Variants in PLCXD3 observed in about 807,000 individuals in gnomAD.
PLCXD3 encodes the protein phosphatidylinositol specific phospholipase C X domain containing 3, also known as PI-PLC X domain-containing protein 3.
Under a neutral mutation model 25.5 loss-of-function variants are expected in PLCXD3, and 19 were observed. The ratio of observed to expected loss-of-function variants is 0.75; its 90% CI spans 0.52 to 1.09. The LOEUF is 1.09. Among genes scored for constraint, PLCXD3 ranks in the 50% least tolerant of loss-of-function variants. The pLI is 0.00. For missense variants in PLCXD3, 411 were observed against 388.1 expected (o/e 1.06, Z -0.50); for synonymous variants, 174 against 137.6 (o/e 1.26, Z -1.85).
At chr5:41,501,258 T>A (rs546519343) in intron 1 of PLCXD3, among the ~76,000 whole-genome samples, 2 of 152,138 alleles carry the variant, frequency 1.3e-5, no homozygotes, top group South Asian at 4.1e-4. Context: ...TCTATTCTCA[T>A]TGCAATAAGC....
At chr5:41,420,180 C>T (rs772641486) in intron 1 of PLCXD3, among the ~76,000 whole-genome samples, 51 of 152,210 alleles carry the variant, frequency 3.4e-4, no homozygotes, top group African/African-American at 1.0e-3. Flanking sequence ...ACTACTTTTA[C>T]GTCTATATCC....
At chr5:41,424,439 C>G (rs1331559021) in intron 1 of PLCXD3, among the ~76,000 whole-genome samples, 2 of 152,040 alleles carry the variant, frequency 1.3e-5, no homozygotes, top group Non-Finnish European at 2.9e-5. Context: ...ACTCGGGAGG[C>G]TGGGGCAGGA....
At chr5:41,491,514 G>C (rs1248971796) in intron 1 of PLCXD3, among the ~76,000 whole-genome samples, 1 of 152,256 alleles carries the variant, frequency 6.6e-6, no homozygotes, top group East Asian at 1.9e-4. Context: ...TGGTTGATCT[G>C]TCTAACGTCG....
At chr5:41,463,549 G>C (rs1463457544) in intron 1 of PLCXD3, among the ~76,000 whole-genome samples, 1 of 151,890 alleles carries the variant, frequency 6.6e-6, no homozygotes, top group Admixed American at 6.6e-5. Context: ...ACTTTAAAAA[G>C]AATATAACTG....
chr5:41,503,830 C>T (rs1385813296), intron 1 of PLCXD3, among the ~76,000 whole-genome samples: 1 of 152,134 alleles, frequency 6.6e-6, no homozygotes, highest in Non-Finnish European at 1.5e-5. Flanking sequence ...CTAGGACTTC[C>T]TTGAGTGCTC....
chr5:41,414,059 C>G (rs1445160255), intron 1 of PLCXD3, among the ~76,000 whole-genome samples: 1 of 151,946 alleles, frequency 6.6e-6, no homozygotes, highest in Non-Finnish European at 1.5e-5. Context: ...AGGTCTGGGC[C>G]TAACCAAGCA....
intron 1 of PLCXD3, among the ~76,000 whole-genome samples, chr5:41,386,189 G>A (rs1745628958): frequency 6.6e-6 from 1 of 152,102 alleles, no homozygotes. Context: ...CTATGGTTAT[G>A]TTATATGCAT....
intron 1 of PLCXD3, among the ~76,000 whole-genome samples, chr5:41,438,019 C>T (rs1313771218): frequency 6.6e-6 from 1 of 152,146 alleles, no homozygotes; most frequent in Admixed American, 6.5e-5. Flanking sequence ...AAAAGTAATG[C>T]CTGCAATTTC....
chr5:41,471,780 A>ACCTTCCCTTCCCTTCCCTTCCCTTC (rs1443982950), intron 1 of PLCXD3, among the ~76,000 whole-genome samples: 3 of 60,254 alleles, frequency 5.0e-5, no homozygotes, highest in East Asian at 4.6e-4. Context: ...TCTTTTCAAG[A>ACCTTCCCTTCCCTTCCCTTCCCTTC]CCTTCCCTTC....
At chr5:41,498,643 A>G (rs1479737538) in intron 1 of PLCXD3, among the ~76,000 whole-genome samples, 1 of 151,834 alleles carries the variant, frequency 6.6e-6, no homozygotes, top group Non-Finnish European at 1.5e-5. Flanking sequence ...TACACTTCCA[A>G]ATTCATTCTG....
At chr5:41,468,009 C>CTTTTTTTTTTTT (rs145732089) in intron 1 of PLCXD3, among the ~76,000 whole-genome samples, 2 of 52,404 alleles carry the variant, frequency 3.8e-5, no homozygotes, top group Non-Finnish European at 3.2e-5. Flanking sequence ...CAGCTTTATT[C>CTTTTTTTTTTTT]TTTTTTTTTT....
intron 2 of PLCXD3, among the ~76,000 whole-genome samples, chr5:41,376,589 C>G (rs1396556713): frequency 6.6e-6 from 1 of 152,114 alleles, no homozygotes; most frequent in African/African-American, 2.4e-5. Context: ...CCATGCTTTG[C>G]TCTTGCTATT....
intron 1 of PLCXD3, among the ~76,000 whole-genome samples, chr5:41,415,705 T>C (rs1216141554): frequency 6.6e-6 from 1 of 152,168 alleles, no homozygotes; most frequent in Non-Finnish European, 1.5e-5. Flanking sequence ...AGTCCCTACA[T>C]TGCCAAGAAA....
At chr5:41,461,042 A>T (rs1351498244) in intron 1 of PLCXD3, among the ~76,000 whole-genome samples, 2 of 151,960 alleles carry the variant, frequency 1.3e-5, no homozygotes, top group Non-Finnish European at 2.9e-5. Flanking sequence ...TTCTGATAGG[A>T]CCCAAAAGTT....
intron 2 of PLCXD3, among the ~76,000 whole-genome samples, chr5:41,320,738 C>T (rs1170840839): frequency 1.3e-5 from 2 of 152,144 alleles, no homozygotes; most frequent in Non-Finnish European, 2.9e-5. Flanking sequence ...CCTCGTGATC[C>T]GTCCGCCTCG....
intron 2 of PLCXD3, among the ~76,000 whole-genome samples, chr5:41,359,961 G>A (rs1744727465): frequency 6.6e-6 from 1 of 151,980 alleles, no homozygotes; most frequent in Admixed American, 6.6e-5. Flanking sequence ...TTCTTACTCA[G>A]GAATACCAAT....
At chr5:41,399,235 G>A (rs1746104462) in intron 1 of PLCXD3, among the ~76,000 whole-genome samples, 1 of 152,106 alleles carries the variant, frequency 6.6e-6, no homozygotes, top group African/African-American at 2.4e-5. Context: ...CTCATTGATT[G>A]GAAGAATCAC....
chr5:41,374,626 C>T (rs377202258), intron 2 of PLCXD3, among the ~76,000 whole-genome samples: 8 of 151,908 alleles, frequency 5.3e-5, no homozygotes, highest in Non-Finnish European at 1.2e-4. Flanking sequence ...GAGAGAGAGA[C>T]AGATCGAAGA....
At chr5:41,341,973 G>T (rs1272605192) in intron 2 of PLCXD3, among the ~76,000 whole-genome samples, 1 of 152,112 alleles carries the variant, frequency 6.6e-6, no homozygotes, top group African/African-American at 2.4e-5. Context: ...AGAAGGCTTT[G>T]TTCCAATAGT....
Sources: gnomAD v4.1 joint callset for allele counts (sites outside exome capture counted in the v4.1 genomes callset) on GRCh38, gnomAD v4.1.1 for gene constraint, MANE v1.5 for transcripts, NCBI Gene and HGNC (gene_info 2026-07-23, HGNC 2026-07-21) for gene names.